The following SCRIB variants were observed in gnomAD, a reference collection of about 807,000 sequenced individuals.
The protein encoded by SCRIB is scribble planar cell polarity protein, also known as protein scribble homolog.
Under a neutral mutation model 170.0 loss-of-function variants are expected in SCRIB, and 72 were observed. That is an observed-to-expected ratio of 0.42 (90% CI 0.35 to 0.52). The LOEUF (loss-of-function observed/expected upper bound fraction) is 0.52. Ranked by LOEUF, SCRIB falls within the 20% of genes least tolerant of loss-of-function variation. The probability of loss-of-function intolerance (pLI) is 0.02; values close to 1 mark genes in which losing one functional copy is unlikely to be tolerated. For missense variants in SCRIB, 2,475 were observed against 2,338.5 expected (o/e 1.06, Z -1.20); for synonymous variants, 1,298 against 1,044.3 (o/e 1.24, Z -4.68).
chr8:143,809,089 A>T, intron 14 of SCRIB, 64 bp from the exon 15 acceptor site: 1 of 1,540,202 alleles, frequency 6.5e-7, no homozygotes, highest in Non-Finnish European at 8.7e-7. Context: ...GGAAGACCCT[A>T]CTAAACAGTG....
chr8:143,812,218 T>G, intron 9 of SCRIB, 48 bp downstream of exon 9: 1 of 1,236,990 alleles, frequency 8.1e-7, no homozygotes, highest in Non-Finnish European at 1.2e-6. Context: ...GTCCTTGTTC[T>G]GCACCCCCGA....
At position 143,804,175 on chromosome 8, in the gene SCRIB, A is replaced by G. The variant is rs782136615; in HGVS notation, c.3010-19T>C. 27 of 1,567,256 alleles carry G rather than the reference A, an allele frequency of 1.7e-5. No individual in the cohort carries two copies. The highest frequency in any genetic ancestry group is 2.2e-5 in the Non-Finnish European group (25 of 1,144,582). On this transcript the variant is annotated intron_variant, in intron 21 of 36. Coordinates refer to ENST00000356994, the MANE Select transcript of SCRIB (RefSeq NM_182706.5). ...GGATCTCCTGGGGATTTAGGGCGGG[A>G]CAAGGACAGGCCTCGGTCAGGACAG...
rs782733730 is a variant in SCRIB at position 143,804,650 on chromosome 8, G to A, written c.2927C>T (p.Thr976Ile). ...CAACCCAGGCACCCCGGGGGTGGCA[G>A]TGGTTATGCTGGTGGTGGCAACAGC... Reference protein sequence around the residue: ...TAAVATTSITTATPGVPGLPS... With the variant: ...TAAVATTSITIATPGVPGLPS... Residue 976 changes from threonine (T) to isoleucine (I), a missense_variant, in exon 21 of 37, where the codon ACT (threonine) becomes ATT (isoleucine). By Grantham distance (89) the Thr-to-Ile change is moderately conservative (BLOSUM62 -1). Coordinates refer to ENST00000356994, the MANE Select transcript of SCRIB (RefSeq NM_182706.5). 6 of 1,540,546 alleles carry A rather than the reference G, an allele frequency of 3.9e-6. No homozygotes were observed. The highest frequency in any genetic ancestry group is 1.9e-5 in the Admixed American group (1 of 52,276).
chr8:143,804,649 A>G lies in SCRIB; in HGVS notation c.2928T>C (p.Thr976=), dbSNP rs782467608. The stretch of plus-strand genomic sequence containing the variant: ...GCAACCCAGGCACCCCGGGGGTGGC[A>G]GTGGTTATGCTGGTGGTGGCAACAG... ...TAAVATTSIT[T]ATPGVPGLPS... The change falls in exon 21 of 37, where the codon ACT becomes ACC. Residue 976 remains threonine (T), a synonymous_variant. Coordinates refer to ENST00000356994, the MANE Select transcript of SCRIB (RefSeq NM_182706.5). 5.2e-6 allele frequency: 8 copies of G among 1,538,912 alleles called. No individual in the cohort carries two copies. The highest frequency in any genetic ancestry group is 7.0e-6 in the Non-Finnish European group (8 of 1,142,036).
rs369239046 is a variant in SCRIB at position 143,804,786 on chromosome 8, C to T, written c.2791G>A (p.Ala931Thr). 3.9e-5 allele frequency: 62 copies of T among 1,599,492 alleles called. No homozygotes were observed. Among genetic ancestry groups the T allele is most frequent in the Non-Finnish European group, 4.8e-5 (56 of 1,176,502 alleles). ...VDVTEARHDHAVSLLTAASPT... is the reference protein window; with the variant it reads ...VDVTEARHDHTVSLLTAASPT... ...GAGGCAGCGGTCAGCAGGGAGACGGCGTGGTCATGCCTGGCCTCAGTCACG... is the reference window on the plus strand; with the variant it reads ...GAGGCAGCGGTCAGCAGGGAGACGGTGTGGTCATGCCTGGCCTCAGTCACG... Residue 931 changes from alanine (A) to threonine (T), a missense_variant, in exon 21 of 37, where the codon GCC becomes ACC. Transcript: ENST00000356994.
In SCRIB at chr8:143,813,896, T is replaced by C. The variant is rs112295309; in HGVS notation, c.278A>G (p.Asp93Gly). ...GATGCTCTCCGGGATCTCAGGGATA[T>C]CTGTCACAGAGGGTCACAGTGGACA... ...QLVELDVSRN[D>G]IPEIPESIKF... is the part of the protein sequence containing the mutation. Residue 93 changes from aspartate (D) to glycine (G), a missense_variant and splice_region_variant, in exon 3 of 37, where the codon GAT (aspartate) becomes GGT (glycine). By Grantham distance (94) the Asp-to-Gly change is moderately conservative (BLOSUM62 -1). Around this residue, in one of 3 missense-constraint regions of SCRIB, gnomAD observed 487 missense variants for 558.1 expected, o/e 0.87. Transcript: ENST00000356994. The C allele has an allele frequency of 2.5e-6, 4 of 1,607,904 alleles. No individual in the cohort carries two copies. In the East Asian group the frequency reaches 8.9e-5, roughly 36 times the overall value.
Position 143,803,859 on chromosome 8 carries a change from C to T in SCRIB, c.3202G>A (p.Asp1068Asn). Residue 1068 changes from aspartate (D) to asparagine (N), a missense_variant, in exon 23 of 37, where the codon GAT becomes AAT. By Grantham distance (23) the Asp-to-Asn change is conservative (BLOSUM62 1). Around this residue, in one of 3 missense-constraint regions of SCRIB, gnomAD observed 1,966 missense variants for 1,742.9 expected, o/e 1.13. Coordinates refer to ENST00000356994, the MANE Select transcript of SCRIB (RefSeq NM_182706.5). ...CTGACTGCTTCTTGGTGCGTGGCAT[C>T]CCGCACGTCTTGCCCGTTCACTGCC... ...ILAVNGQDVR[D>N]ATHQEAVSAL... 2 of 1,602,018 alleles carry T rather than the reference C, an allele frequency of 1.2e-6. No individual in the cohort carries two copies. The highest frequency in any genetic ancestry group is 1.7e-6 in the Non-Finnish European group (2 of 1,176,262).
rs1459815409 is a variant in SCRIB, at chr8:143,812,379, G to A, written c.793C>T (p.Leu265=). 7 of 1,610,660 alleles carry A rather than the reference G, an allele frequency of 4.3e-6. No homozygotes were observed. The highest frequency in any genetic ancestry group is 3.3e-5 in the Admixed American group (2 of 60,026). The change falls in exon 9 of 37, where the codon CTG becomes TTG. Residue 265 remains leucine, a synonymous_variant. Coordinates refer to ENST00000356994, the MANE Select transcript of SCRIB (RefSeq NM_182706.5). ...LRRLPDGIGQ[L]KQLSILKVDQ... is the part of the protein sequence containing the mutation. ...ACCTTTAGGATGGATAGCTGCTTCA[G>A]CTGACCTGGCGTCGGGGAGACAGGG... is the stretch of plus-strand genomic sequence containing the variant.
chr8:143,808,867 C>A lies in SCRIB; in HGVS notation c.1857G>T (p.Leu619=), dbSNP rs751733482. ...HYKKHFKISK[L]PQPEAVVALL... Reference sequence around the variant, plus strand: ...GAGCCACAACGGCCTCGGGCTGGGGCAGCTTGGAGATCTTGAAGTGCTTTT... The same window carrying A: ...GAGCCACAACGGCCTCGGGCTGGGGAAGCTTGGAGATCTTGAAGTGCTTTT... The change falls in exon 15 of 37, where the codon CTG becomes CTT. Residue 619 remains leucine, a synonymous_variant. Transcript: ENST00000356994. 5 of 1,610,092 alleles carry A rather than the reference C, an allele frequency of 3.1e-6. No individual in the cohort carries two copies. The South Asian group carries it at 5.5e-5, about 18-fold the overall frequency.
In SCRIB at chr8:143,803,532, G is replaced by A. The variant is rs782093618; in HGVS notation, c.3454C>T (p.Arg1152Cys). 63 of 1,595,616 alleles carry A rather than the reference G, an allele frequency of 3.9e-5. No individual in the cohort carries two copies. Among genetic ancestry groups the A allele is most frequent in the African/African-American group, 1.7e-4 (13 of 74,396 alleles). Residue 1152 changes from arginine to cysteine, a missense_variant, in exon 24 of 37, where the codon CGT (arginine) becomes TGT (cysteine). By Grantham distance (180) the Arg-to-Cys change is radical (BLOSUM62 -3). Coordinates refer to ENST00000356994, the MANE Select transcript of SCRIB (RefSeq NM_182706.5). Reference protein sequence around the residue: ...TGAAGRDGRLRVGLRLLEVNQ... With the variant: ...TGAAGRDGRLCVGLRLLEVNQ... The stretch of plus-strand genomic sequence containing the variant: ...ACCTCCAACAGCCGCAAACCCACAC[G>A]CAGCCGACCGTCGCGCCCGGCTGCC...
chr8:143,792,410 G>A lies in SCRIB; in HGVS notation c.4329-5C>T. The A allele has an allele frequency of 6.7e-7, 1 of 1,502,520 alleles. No individual in the cohort carries two copies. The highest frequency in any genetic ancestry group is 2.4e-5 in the East Asian group (1 of 42,438). The allele number at this position is 1,502,520 out of a possible 1,614,324, so 93.1% of individuals were successfully genotyped here. On this transcript the variant is annotated splice_polypyrimidine_tract_variant and splice_region_variant and intron_variant, in intron 31 of 36. Coordinates refer to ENST00000356994, the MANE Select transcript of SCRIB (RefSeq NM_182706.5). ...GGGGGGGACGCCGGGCTCTGCCTGG[G>A]GAAGGGACAGGACGTGCTGTGGGGG...
In SCRIB at chr8:143,815,529, G is replaced by C. The variant is rs1260219852; in HGVS notation, c.-157C>G. The stretch of plus-strand genomic sequence containing the variant: ...CGGGGACGCGGCCGCGGCCGGCGCT[G>C]GGCCCGGCCCGCGCTCGGAACGCTC... On this transcript the variant is annotated 5_prime_UTR_variant, in exon 1 of 37. Coordinates refer to ENST00000356994, the MANE Select transcript of SCRIB (RefSeq NM_182706.5). 68 of 983,716 alleles carry C rather than the reference G, an allele frequency of 6.9e-5. No homozygotes were observed. The highest frequency in any genetic ancestry group is 5.2e-4 in the Middle Eastern group (1 of 1,938). The allele number at this position is 983,716 out of a possible 1,614,324, so 60.9% of individuals were successfully genotyped here. A position where few individuals can be genotyped will look rare whatever the true frequency, so the allele number is the denominator to read the frequency against.
intron 14 of SCRIB, 38 bp from the exon 15 acceptor site, chr8:143,809,063 T>C (rs761168040): frequency 1.3e-6 from 2 of 1,572,604 alleles, no homozygotes; most frequent in East Asian, 2.2e-5. Flanking sequence ...CCCAGCTCTG[T>C]GGCTGTGCTT....
chr8:143,793,813 T>A, intron 28 of SCRIB, 87 bp downstream of exon 28: 1 of 1,346,500 alleles, frequency 7.4e-7, no homozygotes, highest in Non-Finnish European at 1.1e-6. Context: ...TGACCCCCCA[T>A]CCCTGGAGGA....
At chr8:143,814,141 C>T in intron 1 of SCRIB, 23 bp from the exon 2 acceptor site, 4 of 1,540,920 alleles carry the variant, frequency 2.6e-6, no homozygotes, top group East Asian at 2.4e-5. Context: ...AGGACACGGA[C>T]TCTGTGGCAG....
Position 143,814,076 on chromosome 8 carries a change from C to A in SCRIB, c.202G>T (p.Asp68Tyr). The A allele has an allele frequency of 1.3e-6, 2 of 1,555,806 alleles. No homozygotes were observed. The highest frequency in any genetic ancestry group is 1.7e-6 in the Non-Finnish European group (2 of 1,149,292). The stretch of plus-strand genomic sequence containing the variant: ...GGAGGCAACCGCTGGATCTCGTTGT[C>A]GCTCAGGCCCAGCTTGCGCAAGTTC... ...LLNLRKLGLSDNEIQRLPPEV... is the reference protein window; with the variant it reads ...LLNLRKLGLSYNEIQRLPPEV... The change falls in exon 2 of 37, where the codon GAC (aspartate) becomes TAC (tyrosine). Residue 68 changes from aspartate (D) to tyrosine (Y), a missense_variant. By Grantham distance (160) the Asp-to-Tyr change is radical. Around this residue, in one of 3 missense-constraint regions of SCRIB, gnomAD observed 487 missense variants for 558.1 expected, o/e 0.87. Coordinates refer to ENST00000356994, the MANE Select transcript of SCRIB (RefSeq NM_182706.5).
In SCRIB at chr8:143,805,120, C is replaced by T; in HGVS notation, c.2662G>A (p.Gly888Ser). 1 of 1,597,542 alleles carries T rather than the reference C, an allele frequency of 6.3e-7. No homozygotes were observed. Among genetic ancestry groups the T allele is most frequent in the East Asian group, 2.2e-5 (1 of 44,584 alleles). The change falls in exon 19 of 37, where the codon GGT becomes AGT. Residue 888 changes from glycine (G) to serine (S), a missense_variant. Coordinates refer to ENST00000356994, the MANE Select transcript of SCRIB (RefSeq NM_182706.5). ...CTGGGCCCCAGCCTCACCGCATCAC[C>T]AGCCCTGTAGGGTGTGGAGCCTTTC... ...GGKGSTPYRA[G>S]DAGIFVSRIA...
chr8:143,791,557 T>C, intron 35 of SCRIB, 109 bp downstream of exon 35: 1 of 1,538,296 alleles, frequency 6.5e-7, no homozygotes, highest in South Asian at 1.1e-5. Context: ...GGAGGGGGGG[T>C]GAAGAGGCAG....
At chr8:143,807,937 CT>C (rs1815505226) in intron 15 of SCRIB, among the ~76,000 whole-genome samples, 1 of 152,216 alleles carries the variant, frequency 6.6e-6, no homozygotes, top group African/African-American at 2.4e-5. Flanking sequence ...GGGACTCCCC[CT>C]GGAATCTGAG....
Sources: gnomAD v4.1 joint callset for allele counts (sites outside exome capture counted in the v4.1 genomes callset) on GRCh38, gnomAD v4.1.1 for gene constraint, gnomAD v4.1.1 regional missense constraint, MANE v1.5 for transcripts, NCBI Gene and HGNC (gene_info 2026-07-23, HGNC 2026-07-21) for gene names.